The following CFAP96 variants were observed in gnomAD, a reference collection of about 807,000 sequenced individuals.
The protein encoded by CFAP96 is cilia and flagella associated protein 96.
chr4:185,425,459 A>G, the CFAP96 span, among the ~76,000 whole-genome samples: 1 of 152,166 alleles, frequency 6.6e-6, no homozygotes, highest in African/African-American at 2.4e-5. Context: ...TAGGATAGGG[A>G]TTGGAGAACC....
chr4:185,424,763 C>A, the CFAP96 span, among the ~76,000 whole-genome samples: 3 of 152,220 alleles, frequency 2.0e-5, no homozygotes, highest in Non-Finnish European at 4.4e-5. Context: ...TTTAACTCTG[C>A]TACTTACTGT....
At chr4:185,409,176 A>G in the CFAP96 span, among the ~76,000 whole-genome samples, 6 of 152,212 alleles carry the variant, frequency 3.9e-5, no homozygotes, top group Non-Finnish European at 5.9e-5. Context: ...GGTCCATATC[A>G]TGGGACACAG....
the CFAP96 span, among the ~76,000 whole-genome samples, chr4:185,411,453 G>A: frequency 0.068 from 10,372 of 152,142 alleles, 554 homozygotes; most frequent in African/African-American, 0.14. Flanking sequence ...AGAACAGTAT[G>A]AGAGAAGAAA....
chr4:185,422,639 G>C, the CFAP96 span: 1 of 964,448 alleles, frequency 1.0e-6, no homozygotes. Context: ...TAGAATCTAA[G>C]TTTAGTGTTA....
chr4:185,411,263 GT>G, the CFAP96 span, among the ~76,000 whole-genome samples: 2 of 151,716 alleles, frequency 1.3e-5, no homozygotes, highest in African/African-American at 2.4e-5. Context: ...AACTAAATTG[GT>G]TACTAAAAAT....
At chr4:185,429,075 GTAATCGA>G in the CFAP96 span, among the ~76,000 whole-genome samples, 1 of 152,220 alleles carries the variant, frequency 6.6e-6, no homozygotes, top group Non-Finnish European at 1.5e-5. Context: ...AAATGGCAGT[GTAATCGA>G]TGAGATCTTG....
At chr4:185,441,037 G>T in the CFAP96 span, among the ~76,000 whole-genome samples, 1 of 151,412 alleles carries the variant, frequency 6.6e-6, no homozygotes, top group South Asian at 2.1e-4. Context: ...TGCAAGCTCC[G>T]CCTCTTGAGT....
the CFAP96 span, among the ~76,000 whole-genome samples, chr4:185,436,745 T>TAATAATAATAA: frequency 1.4e-4 from 21 of 149,152 alleles, no homozygotes; most frequent in African/African-American, 4.9e-4. Context: ...ATAATAATAA[T>TAATAATAATAA]TCACTTGAGA....
chr4:185,415,737 G>C, the CFAP96 span: 1 of 1,612,374 alleles, frequency 6.2e-7, no homozygotes, highest in Non-Finnish European at 8.5e-7. Context: ...TGGAGCAACA[G>C]ATATAACTGC....
the CFAP96 span, among the ~76,000 whole-genome samples, chr4:185,437,737 T>TA: frequency 3.3e-5 from 5 of 152,346 alleles, no homozygotes; most frequent in South Asian, 1.0e-3. Flanking sequence ...TTTTACCCTA[T>TA]ACTTATTGGG....
chr4:185,418,055 C>CACACACACACACACACAT, the CFAP96 span, among the ~76,000 whole-genome samples: 19 of 150,198 alleles, frequency 1.3e-4, no homozygotes, highest in East Asian at 1.9e-3. Context: ...AAAACACACA[C>CACACACACACACACACAT]ACACACACAC....
chr4:185,448,738 T>A, the CFAP96 span, among the ~76,000 whole-genome samples: 1 of 152,156 alleles, frequency 6.6e-6, no homozygotes, highest in East Asian at 1.9e-4. Context: ...AAATTAGAAT[T>A]TTCCTCACCA....
the CFAP96 span, among the ~76,000 whole-genome samples, chr4:185,421,546 C>T: frequency 6.6e-6 from 1 of 152,106 alleles, no homozygotes; most frequent in East Asian, 1.9e-4. Flanking sequence ...CTTCTTTTGC[C>T]ATGTGATACA....
chr4:185,411,973 A>G, the CFAP96 span, among the ~76,000 whole-genome samples: 1 of 152,214 alleles, frequency 6.6e-6, no homozygotes, highest in Non-Finnish European at 1.5e-5. Flanking sequence ...CTTTTTAAAA[A>G]GGAAGGAAAT....
the CFAP96 span, among the ~76,000 whole-genome samples, chr4:185,436,571 G>T: frequency 1.3e-5 from 2 of 152,046 alleles, no homozygotes; most frequent in African/African-American, 4.8e-5. Context: ...TTAGCCAGGT[G>T]TGGTGGCGGG....
the CFAP96 span, among the ~76,000 whole-genome samples, chr4:185,409,862 G>A: frequency 2.6e-5 from 4 of 152,106 alleles, no homozygotes; most frequent in Admixed American, 6.5e-5. Context: ...GGCAGAGATC[G>A]GAATGATGGG....
the CFAP96 span, chr4:185,440,823 G>A: frequency 2.7e-3 from 527 of 194,420 alleles, 40 homozygotes; most frequent in African/African-American, 0.011. Flanking sequence ...ACTTTTGTTT[G>A]TATGGATACC....
chr4:185,418,442 A>G, the CFAP96 span: 4 of 1,603,926 alleles, frequency 2.5e-6, no homozygotes, highest in Non-Finnish European at 1.7e-6. Flanking sequence ...TTTGCTTACC[A>G]TGTCTGATAA....
the CFAP96 span, chr4:185,440,565 T>C: frequency 6.5e-7 from 1 of 1,528,026 alleles, no homozygotes; most frequent in South Asian, 1.3e-5. Context: ...CACCATCGTT[T>C]ACTTAAAGGA....
Sources: allele counts gnomAD v4.1 joint callset (sites outside exome capture counted in the v4.1 genomes callset), GRCh38; gene constraint gnomAD v4.1.1; transcripts MANE v1.5; gene names NCBI Gene and HGNC (gene_info 2026-07-23, HGNC 2026-07-21).